The following NUBPL variants were observed in gnomAD, a reference collection of about 807,000 sequenced individuals.
NUBPL encodes the protein NUBP iron-sulfur cluster assembly factor, mitochondrial.
NUBPL carries 31 observed loss-of-function variants against 45.7 expected under a neutral mutation model. The ratio of observed to expected loss-of-function variants is 0.68; its 90% confidence interval spans 0.51 to 0.92. The LOEUF is 0.92. Ranked by LOEUF, NUBPL falls within the 40% of genes least tolerant of loss-of-function variation. The probability of loss-of-function intolerance (pLI) is 0.00; values close to 1 mark genes in which losing one functional copy is unlikely to be tolerated. For synonymous variants in NUBPL, 144 were observed against 140.9 expected (o/e 1.02, Z -0.15); for missense variants, 401 against 398.7 (o/e 1.01, Z -0.05).
intron 6 of NUBPL, among the ~76,000 whole-genome samples, chr14:31,712,942 C>T (rs1566517819): frequency 6.6e-6 from 1 of 151,922 alleles, no homozygotes; most frequent in Non-Finnish European, 1.5e-5. Context: ...AACTGGTTAA[C>T]GAGAAGCAGG....
At chr14:31,764,216 T>C (rs2038870237) in intron 6 of NUBPL, among the ~76,000 whole-genome samples, 1 of 152,180 alleles carries the variant, frequency 6.6e-6, no homozygotes, top group Non-Finnish European at 1.5e-5. Flanking sequence ...GCTTTACTGG[T>C]TTATAGGTCT....
chr14:31,854,138 C>A (rs1355275817), intron 10 of NUBPL, among the ~76,000 whole-genome samples: 1 of 152,134 alleles, frequency 6.6e-6, no homozygotes, highest in Non-Finnish European at 1.5e-5. Context: ...TAAATTGGGA[C>A]TTCAAATATT....
rs529707603 is a variant in NUBPL at position 31,586,655 on chromosome 14, A to G, written c.292-12634A>G. ...AGAAAACTCTCACTAGACATTTTCTAGATTCACTGATCAGGATTGGATCTC... is the reference window on the plus strand; with the variant it reads ...AGAAAACTCTCACTAGACATTTTCTGGATTCACTGATCAGGATTGGATCTC... On this transcript the variant is annotated intron_variant, in intron 3 of 10. Transcript: ENST00000281081. 2.6e-5 allele frequency among the ~76,000 whole-genome samples: 4 copies of G among 152,286 alleles called. No individual in the cohort carries two copies. In the South Asian group the frequency reaches 6.2e-4, roughly 24 times the overall value.
intron 8 of NUBPL, among the ~76,000 whole-genome samples, chr14:31,833,815 A>G (rs943982661): frequency 1.3e-5 from 2 of 152,190 alleles, no homozygotes; most frequent in South Asian, 2.1e-4. Flanking sequence ...CCAGACCTAG[A>G]TGTGATACAC....
chr14:31,825,396 C>T (rs2138962039), intron 7 of NUBPL, among the ~76,000 whole-genome samples: 1 of 152,270 alleles, frequency 6.6e-6, no homozygotes, highest in Non-Finnish European at 1.5e-5. Flanking sequence ...TAATGCTTAG[C>T]ATATTGTATT....
At chr14:31,586,145 T>C (rs2033990686) in intron 3 of NUBPL, among the ~76,000 whole-genome samples, 1 of 152,112 alleles carries the variant, frequency 6.6e-6, no homozygotes, top group Non-Finnish European at 1.5e-5. Flanking sequence ...TATGGACAAA[T>C]TCAGTTGAAC....
At chr14:31,708,509 A>G (rs182226016) in intron 6 of NUBPL, among the ~76,000 whole-genome samples, 2 of 152,264 alleles carry the variant, frequency 1.3e-5, no homozygotes, top group African/African-American at 4.8e-5. Context: ...AGGGTGTGGG[A>G]CTTTCAGGCA....
intron 4 of NUBPL, among the ~76,000 whole-genome samples, chr14:31,645,257 G>A (rs544572852): frequency 3.3e-5 from 5 of 151,878 alleles, no homozygotes; most frequent in Non-Finnish European, 1.5e-5. Context: ...TAGTAGAGGC[G>A]GGGTTTCACT....
rs904865311 is a variant in NUBPL at position 31,711,727 on chromosome 14, T to G, written c.513+38153T>G. Among the ~76,000 whole-genome samples the G allele has an allele frequency of 2.6e-5, 4 of 152,114 alleles. No homozygotes were observed. In the East Asian group the frequency reaches 7.7e-4, roughly 29 times the overall value. ...GTCTTGCTGACTTCAGGAGTGAAGT[T>G]GCAGACCTTCGCGGTGAGTGTTACA... On this transcript the variant is annotated intron_variant, in intron 6 of 10. Coordinates refer to ENST00000281081, the MANE Select transcript of NUBPL (RefSeq NM_025152.3).
At chr14:31,831,816 T>G (rs1224714784) in intron 8 of NUBPL, among the ~76,000 whole-genome samples, 1 of 152,194 alleles carries the variant, frequency 6.6e-6, no homozygotes, top group African/African-American at 2.4e-5. Flanking sequence ...TAAGAGGAGT[T>G]CATAAAGAAT....
intron 4 of NUBPL, among the ~76,000 whole-genome samples, chr14:31,651,073 C>T (rs1032740229): frequency 6.6e-6 from 1 of 152,196 alleles, no homozygotes; most frequent in African/African-American, 2.4e-5. Context: ...GATCACATTT[C>T]AACATGAGAT....
chr14:31,715,293 T>A (rs183506576), intron 6 of NUBPL, among the ~76,000 whole-genome samples: 2 of 152,206 alleles, frequency 1.3e-5, no homozygotes, highest in African/African-American at 4.8e-5. Flanking sequence ...GTCCTTAACA[T>A]GGGTATAATT....
At chr14:31,743,591 G>T (rs2038332062) in intron 6 of NUBPL, among the ~76,000 whole-genome samples, 1 of 152,134 alleles carries the variant, frequency 6.6e-6, no homozygotes, top group African/African-American at 2.4e-5. Context: ...TGTTGGCCAG[G>T]CTGGTCTCGA....
At chr14:31,844,472 TC>T (rs2040422473) in intron 8 of NUBPL, 1 of 152,180 alleles carries the variant, frequency 6.6e-6, no homozygotes, top group East Asian at 1.9e-4. Context: ...AGTACTGAAT[TC>T]CCAAAACACA....
intron 7 of NUBPL, among the ~76,000 whole-genome samples, chr14:31,811,312 T>C (rs900016343): frequency 6.6e-6 from 1 of 152,154 alleles, no homozygotes; most frequent in Admixed American, 6.6e-5. Context: ...AAGATTTGTT[T>C]GTTTCTTTTT....
At position 31,661,087 on chromosome 14, in the gene NUBPL, C is replaced by T. The variant is rs1444038448; in HGVS notation, c.383-12268C>T. The stretch of plus-strand genomic sequence containing the variant: ...AGTCCCTAGATTTGTTTGAAACCAA[C>T]TGGTTACATACAAAAGATTAATTAA... On this transcript the variant is annotated intron_variant, in intron 4 of 10. Transcript: ENST00000281081. Among the ~76,000 whole-genome samples the T allele has an allele frequency of 3.9e-5, 6 of 152,264 alleles. No homozygotes were observed. The East Asian group carries it at 9.6e-4, about 24-fold the overall frequency.
intron 3 of NUBPL, among the ~76,000 whole-genome samples, chr14:31,573,505 C>G (rs908893654): frequency 5.9e-5 from 9 of 152,146 alleles, no homozygotes; most frequent in African/African-American, 1.9e-4. Flanking sequence ...AAACCAAACT[C>G]TTCATCCCTG....
chr14:31,848,349 A>G (rs1252316621), intron 9 of NUBPL, among the ~76,000 whole-genome samples: 1 of 152,212 alleles, frequency 6.6e-6, no homozygotes, highest in Non-Finnish European at 1.5e-5. Context: ...GAAATCAGGG[A>G]AAAAGCTTTC....
At chr14:31,685,554 G>A (rs1331989270) in intron 6 of NUBPL, among the ~76,000 whole-genome samples, 3 of 151,966 alleles carry the variant, frequency 2.0e-5, no homozygotes, top group Non-Finnish European at 4.4e-5. Flanking sequence ...CAAGGTGAAA[G>A]GATTCAGTGA....
Sources: allele counts gnomAD v4.1 joint callset (sites outside exome capture counted in the v4.1 genomes callset), GRCh38; gene constraint gnomAD v4.1.1; transcripts MANE v1.5; gene names NCBI Gene and HGNC (gene_info 2026-07-23, HGNC 2026-07-21).